The following ACSM5 variants were observed in gnomAD, a reference collection of about 807,000 sequenced individuals.
ACSM5 encodes acyl-CoA synthetase medium chain family member 5.
In ACSM5, 56 loss-of-function variants were observed where a neutral mutation model predicts 71.6. The observed-to-expected ratio is 0.78, with a 90% CI of 0.63 to 0.98. The LOEUF (loss-of-function observed/expected upper bound fraction) is 0.98. ACSM5 is among the 50% of genes least tolerant of loss of function. ACSM5 has a pLI of 0.00. For missense variants in ACSM5, 723 were observed against 726.0 expected (o/e 1.00, Z 0.05); for synonymous variants, 285 against 281.5 (o/e 1.01, Z -0.12).
chr16:20,416,571 A>G (rs1966856799), intron 2 of ACSM5, among the ~76,000 whole-genome samples: 2 of 152,228 alleles, frequency 1.3e-5, no homozygotes, highest in South Asian at 4.1e-4. Context: ...AAATACAAAA[A>G]TTAACTCAAA....
chr16:20,435,913 CCTTTCTTT>C (rs757307223), intron 10 of ACSM5, among the ~76,000 whole-genome samples: 2 of 150,434 alleles, frequency 1.3e-5, no homozygotes, highest in Non-Finnish European at 3.0e-5. Context: ...TCCCACCCTC[CCTTTCTTT>C]CTTTCTTTCT....
In ACSM5 at chr16:20,409,595, C is replaced by T. The variant is rs1596607722; in HGVS notation, c.-86C>T. Reference sequence around the variant, plus strand: ...TCTGAGGGAGCTGAGTGTTTACAGCCACTCAGCCCTGCTCTGCTCAGCTGA... The same window carrying T: ...TCTGAGGGAGCTGAGTGTTTACAGCTACTCAGCCCTGCTCTGCTCAGCTGA... On this transcript the variant is annotated 5_prime_UTR_variant, in exon 1 of 14. Transcript: ENST00000331849. 1 of 152,214 alleles carries T rather than the reference C, an allele frequency of 6.6e-6. No individual in the cohort carries two copies. 9.4% of individuals were successfully genotyped at this position (152,214 alleles called of 1,614,324 possible).
rs747008520 is a variant in ACSM5, at chr16:20,419,377, A to G, written c.565A>G (p.Lys189Glu). ...ISAECPSLQT[K>E]LLVSDSSRPG... ...TGCCGAATGCCCCTCCCTCCAGACC[A>G]AGCTGCTGGTGTCAGACAGCAGTCG... The change falls in exon 4 of 14, where the codon AAG (lysine) becomes GAG (glutamate). Residue 189 changes from lysine to glutamate, a missense_variant. Coordinates refer to ENST00000331849, the MANE Select transcript of ACSM5 (RefSeq NM_017888.3). The G allele has an allele frequency of 6.2e-7, 1 of 1,614,108 alleles. No homozygotes were observed. Among genetic ancestry groups the G allele is most frequent in the South Asian group, 1.1e-5 (1 of 91,064 alleles).
chr16:20,411,816 AT>A, intron 2 of ACSM5, 128 bp downstream of exon 2: 2 of 970,040 alleles, frequency 2.1e-6, no homozygotes, highest in Non-Finnish European at 3.1e-6. Context: ...TAGTTCTAAA[AT>A]GTAAACTGTT....
chr16:20,412,111 C>T (rs1447616817), intron 2 of ACSM5: 23 of 189,406 alleles, frequency 1.2e-4, no homozygotes, highest in African/African-American at 1.2e-4. Flanking sequence ...TTTGGGACAC[C>T]GAGAAGGGCA....
chr16:20,418,003 A>T (rs1302326437), intron 2 of ACSM5, 56 bp from the exon 3 acceptor site: 2 of 1,543,708 alleles, frequency 1.3e-6, no homozygotes, highest in Non-Finnish European at 1.8e-6. Context: ...AGCAACAAGC[A>T]AACAAAAATT....
intron 5 of ACSM5, among the ~76,000 whole-genome samples, chr16:20,422,633 G>A (rs1320002429): frequency 6.6e-6 from 1 of 152,206 alleles, no homozygotes; most frequent in Non-Finnish European, 1.5e-5. Context: ...TTGAGCAGAG[G>A]AGTGACATAA....
At chr16:20,424,194 C>T (rs1966933122) in intron 6 of ACSM5, 125 bp downstream of exon 6, 2 of 1,229,480 alleles carry the variant, frequency 1.6e-6, no homozygotes, top group African/African-American at 3.1e-5. Context: ...GGTGTGGCTC[C>T]CTGGCCTTCC....
At chr16:20,420,410 GACCAGCATGGAGAA>G (rs2141646399) in intron 4 of ACSM5, among the ~76,000 whole-genome samples, 1 of 152,310 alleles carries the variant, frequency 6.6e-6, no homozygotes, top group African/African-American at 2.4e-5. Context: ...AGACCAGCCT[GACCAGCATGGAGAA>G]ACCCCGTCTC....
chr16:20,425,399 G>T (rs111509991), intron 6 of ACSM5, among the ~76,000 whole-genome samples: 1 of 151,904 alleles, frequency 6.6e-6, no homozygotes, highest in Admixed American at 6.6e-5. Context: ...GGACACTTAG[G>T]TTGCTTCAAA....
intron 2 of ACSM5, among the ~76,000 whole-genome samples, chr16:20,413,327 C>T (rs113895781): frequency 0.044 from 6,734 of 152,190 alleles, 157 homozygotes; most frequent in South Asian, 0.059. Flanking sequence ...TGGTGCATCA[C>T]GGCAACCATT....
At chr16:20,421,086 T>A in intron 4 of ACSM5, 172 bp from the exon 5 acceptor site, 1 of 679,790 alleles carries the variant, frequency 1.5e-6, no homozygotes, top group Non-Finnish European at 2.2e-6. Flanking sequence ...AGGGTTATAA[T>A]GATAGTACCT....
intron 4 of ACSM5, among the ~76,000 whole-genome samples, chr16:20,420,546 G>A (rs1966873860): frequency 6.6e-6 from 1 of 152,284 alleles, no homozygotes; most frequent in East Asian, 1.9e-4. Context: ...GTTGCAGTGA[G>A]CCAAGATCCC....
chr16:20,424,077 G>C lies in ACSM5; in HGVS notation c.921+8G>C, dbSNP rs777551792. ...GCCAAAGTTATCCTGAATGTAAGAG[G>C]AAAAACCAACAATACCCCATATGTG... On this transcript the variant is annotated splice_region_variant and intron_variant, in intron 6 of 13. Transcript: ENST00000331849. 6.2e-7 allele frequency: 1 copy of C among 1,613,674 alleles called. No homozygotes were observed. The highest frequency in any genetic ancestry group is 8.5e-7 in the Non-Finnish European group (1 of 1,179,912).
At chr16:20,434,804 T>C (rs1353163079) in intron 10 of ACSM5, among the ~76,000 whole-genome samples, 1 of 152,228 alleles carries the variant, frequency 6.6e-6, no homozygotes, top group African/African-American at 2.4e-5. Context: ...CATAAAGTCT[T>C]ATCCACAAAA....
chr16:20,423,893 T>C (rs1362491267), intron 5 of ACSM5, 23 bp from the exon 6 acceptor site: 1 of 1,613,572 alleles, frequency 6.2e-7, no homozygotes, highest in South Asian at 1.1e-5. Context: ...CCAAGGTTAC[T>C]GACGTTCTCT....
rs549370944 is a variant in ACSM5 at position 20,419,481 on chromosome 16, C to T, written c.623+46C>T. On this transcript the variant is annotated intron_variant, in intron 4 of 13. Transcript: ENST00000331849. ...ACAGCAGAAAAATGAAGTCATTTCCCCTTTAAGCAACAAAAGATGAAATGC... is the reference window on the plus strand; with the variant it reads ...ACAGCAGAAAAATGAAGTCATTTCCTCTTTAAGCAACAAAAGATGAAATGC... 6 of 1,574,228 alleles carry T rather than the reference C, an allele frequency of 3.8e-6. No individual in the cohort carries two copies. The Admixed American group carries it at 6.7e-5, about 18-fold the overall frequency.
chr16:20,413,113 GA>G (rs2141638642), intron 2 of ACSM5, among the ~76,000 whole-genome samples: 2 of 152,280 alleles, frequency 1.3e-5, no homozygotes, highest in South Asian at 4.2e-4. Flanking sequence ...AATTAAATGA[GA>G]ATTGCATGTA....
chr16:20,429,096 T>C (rs12928531), intron 7 of ACSM5, among the ~76,000 whole-genome samples: 3 of 152,276 alleles, frequency 2.0e-5, no homozygotes, highest in East Asian at 3.9e-4. Context: ...CTGCAACATC[T>C]GCCTCCCAGG....
Sources: allele counts gnomAD v4.1 joint callset (sites outside exome capture counted in the v4.1 genomes callset), GRCh38; gene constraint gnomAD v4.1.1; transcripts MANE v1.5; gene names NCBI Gene and HGNC (gene_info 2026-07-23, HGNC 2026-07-21).